The following CEP43 variants were observed in gnomAD, a reference collection of about 807,000 sequenced individuals.
The protein encoded by CEP43 is centrosomal protein 43.
A neutral mutation model predicts 52.6 loss-of-function variants in CEP43; 36 were observed. The ratio of observed to expected loss-of-function variants is 0.68; its 90% CI spans 0.52 to 0.90. The LOEUF (loss-of-function observed/expected upper bound fraction) is 0.90, where lower values mean the gene tolerates loss of function less well. Among genes scored for constraint, CEP43 ranks in the 40% least tolerant of loss-of-function variants. The pLI, the probability that CEP43 is intolerant of heterozygous loss-of-function variation, is 0.00. For missense variants in CEP43, 506 were observed against 472.8 expected (o/e 1.07, Z -0.65); for synonymous variants, 192 against 172.4 (o/e 1.11, Z -0.89).
chr6:167,036,453 C>G, intron 12 of CEP43: 4 of 985,324 alleles, frequency 4.1e-6, no homozygotes, highest in Non-Finnish European at 4.8e-6. Context: ...TGCACGGGAG[C>G]CAGCACGAGC....
Position 167,042,464 on chromosome 6 carries a change from A to C in CEP43, c.*2486A>C, listed in dbSNP as rs925429199. The C allele has an allele frequency of 3.0e-5, 22 of 739,500 alleles. No homozygotes were observed. Among genetic ancestry groups the C allele is most frequent in the Non-Finnish European group, 3.6e-5 (22 of 604,862 alleles). 45.8% of individuals were successfully genotyped at this position (739,500 alleles called of 1,614,324 possible). ...TTATGTTGGATAACAACCTGTGGGC[A>C]GTTGTGTAGATGCCATTAGTCCCTG... On this transcript the variant is annotated 3_prime_UTR_variant, in exon 13 of 13. Transcript: ENST00000366847.
chr6:167,032,518 A>T lies in CEP43; in HGVS notation c.989-85A>T, dbSNP rs1241262762. ...ACTTTTTAAATGATGCAATATAATT[A>T]ATTTTTTTTAAGGAAATGTGTGTTT... On this transcript the variant is annotated intron_variant, in intron 10 of 12. Coordinates refer to ENST00000366847, the MANE Select transcript of CEP43 (RefSeq NM_007045.4). The T allele has an allele frequency of 1.4e-5, 17 of 1,249,526 alleles. No individual in the cohort carries two copies. In the East Asian group the frequency reaches 4.3e-4, roughly 32 times the overall value. 77.4% of individuals were successfully genotyped at this position (1,249,526 alleles called of 1,614,324 possible).
At chr6:167,016,151 T>C (rs1345698654) in intron 7 of CEP43, among the ~76,000 whole-genome samples, 1 of 152,192 alleles carries the variant, frequency 6.6e-6, no homozygotes, top group African/African-American at 2.4e-5. Context: ...TTGGAAATGT[T>C]GAGTAAGATC....
At chr6:167,006,762 T>C (rs1027537411) in intron 5 of CEP43, among the ~76,000 whole-genome samples, 1 of 152,222 alleles carries the variant, frequency 6.6e-6, no homozygotes, top group African/African-American at 2.4e-5. Context: ...TTACTGTTTC[T>C]TGTTATTGTA....
rs1482418705 is a variant in CEP43 at position 167,022,303 on chromosome 6, G to A, written c.580-106G>A. 1.5e-5 allele frequency: 10 copies of A among 647,718 alleles called. No homozygotes were observed. The East Asian group carries it at 2.5e-4, about 16-fold the overall frequency. 40.1% of individuals were successfully genotyped at this position (647,718 alleles called of 1,614,324 possible). ...ACACACACACACACACACAAAGGTT[G>A]CACACACACAGGTTTGATTATGCTC... On this transcript the variant is annotated intron_variant, in intron 7 of 12. Coordinates refer to ENST00000366847, the MANE Select transcript of CEP43 (RefSeq NM_007045.4).
Position 167,041,566 on chromosome 6 carries a change from G to GC in CEP43, c.*1589dup. On this transcript the variant is annotated 3_prime_UTR_variant, in exon 13 of 13. Transcript: ENST00000366847. ...CTCTGTAAACAGTCACTTTCTAAAA[G>GC]CACTATAGTTCTGGTCCCCTGGAAT... The GC allele has an allele frequency of 9.5e-7, 1 of 1,049,442 alleles. No homozygotes were observed. Among genetic ancestry groups the GC allele is most frequent in the Non-Finnish European group, 1.2e-6 (1 of 869,320 alleles). The allele number at this position is 1,049,442 out of a possible 1,614,324, so 65.0% of individuals were successfully genotyped here.
At chr6:167,024,919 C>A in intron 9 of CEP43, 25 bp downstream of exon 9, 3 of 1,241,272 alleles carry the variant, frequency 2.4e-6, no homozygotes, top group Non-Finnish European at 3.5e-6. Flanking sequence ...ATGTGGACTT[C>A]AATACTCGGG....
At chr6:167,019,832 A>G (rs73026251) in intron 7 of CEP43, among the ~76,000 whole-genome samples, 3,086 of 152,244 alleles carry the variant, frequency 0.02, 51 homozygotes, top group East Asian at 0.091. Context: ...TTTAAGTTAC[A>G]TTGGCAGTGT....
Position 167,033,917 on chromosome 6 carries a change from A to G in CEP43, c.1071A>G (p.Glu357=). 1 of 1,602,400 alleles carries G rather than the reference A, an allele frequency of 6.2e-7. No individual in the cohort carries two copies. Among genetic ancestry groups the G allele is most frequent in the Non-Finnish European group, 8.5e-7 (1 of 1,172,168 alleles). ...AGAAAAGTGAGATAAGTATTGGTGA[A>G]GAGATAGAAGAAGACCTTTCTGTGG... ...RSEKSEISIG[E]EIEEDLSVEI... is the part of the protein sequence containing the mutation. Residue 357 remains glutamate, a synonymous_variant, in exon 12 of 13, where the codon GAA becomes GAG. Transcript: ENST00000366847.
At chr6:167,009,487 G>A (rs1175413021) in intron 5 of CEP43, among the ~76,000 whole-genome samples, 13 of 114,734 alleles carry the variant, frequency 1.1e-4, no homozygotes, top group South Asian at 6.2e-4. Context: ...TCCACAGAGC[G>A]AGACTCTGTC....
chr6:167,034,578 C>G (rs1780544560), intron 12 of CEP43, among the ~76,000 whole-genome samples: 1 of 152,188 alleles, frequency 6.6e-6, no homozygotes, highest in Non-Finnish European at 1.5e-5. Flanking sequence ...GTCTACCAGT[C>G]AGGTTGGAGG....
chr6:167,011,873 G>T (rs564837698), intron 6 of CEP43, among the ~76,000 whole-genome samples: 1 of 152,152 alleles, frequency 6.6e-6, no homozygotes, highest in Non-Finnish European at 1.5e-5. Context: ...TGCTCACCCC[G>T]CAAAGGCTCC....
rs568215744 is a variant in CEP43, at chr6:167,016,997, T to A, written c.579+3430T>A. ...TTTATTTATTATTTATTTATTTTTT[T>A]TTTTTTTTATTTTTTTGAGATGGAG... is the stretch of plus-strand genomic sequence containing the variant. On this transcript the variant is annotated intron_variant, in intron 7 of 12. Transcript: ENST00000366847. Among the ~76,000 whole-genome samples, 20 of 150,372 alleles carry A rather than the reference T, an allele frequency of 1.3e-4. No individual in the cohort carries two copies. In the South Asian group the frequency reaches 2.3e-3, roughly 17 times the overall value.
At chr6:167,013,626 G>A (rs1474585085) in intron 7 of CEP43, 59 bp downstream of exon 7, 11 of 1,387,368 alleles carry the variant, frequency 7.9e-6, no homozygotes, top group African/African-American at 2.9e-5. Flanking sequence ...CTCGACTCTG[G>A]GGCCTCCTGG....
intron 10 of CEP43, among the ~76,000 whole-genome samples, chr6:167,027,472 T>TCA (rs61710173): frequency 0.42 from 63,704 of 151,840 alleles, 13,586 homozygotes; most frequent in Non-Finnish European, 0.47. Flanking sequence ...CTGTAATCAC[T>TCA]CACATGGAAG....
intron 12 of CEP43, among the ~76,000 whole-genome samples, chr6:167,039,382 G>A (rs760295262): frequency 6.6e-6 from 1 of 152,216 alleles, no homozygotes; most frequent in Non-Finnish European, 1.5e-5. Flanking sequence ...GCCTGCCTCA[G>A]CTTCCCAAAG....
chr6:167,009,682 A>G (rs570691526), intron 5 of CEP43, among the ~76,000 whole-genome samples: 1 of 150,918 alleles, frequency 6.6e-6, no homozygotes, highest in Admixed American at 6.6e-5. Flanking sequence ...AAAAAAAAAA[A>G]AAAGTTAGTT....
chr6:167,039,382 G>C (rs760295262), intron 12 of CEP43, among the ~76,000 whole-genome samples: 1 of 152,216 alleles, frequency 6.6e-6, no homozygotes, highest in Non-Finnish European at 1.5e-5. Context: ...GCCTGCCTCA[G>C]CTTCCCAAAG....
At chr6:166,999,823 G>T (rs1041431998) in intron 1 of CEP43, 1 of 559,396 alleles carries the variant, frequency 1.8e-6, no homozygotes, top group South Asian at 2.3e-5. Context: ...CTGGAGTGCG[G>T]CCCCAGCGTC....
Sources: allele counts gnomAD v4.1 joint callset (sites outside exome capture counted in the v4.1 genomes callset), GRCh38; gene constraint gnomAD v4.1.1; transcripts MANE v1.5; gene names NCBI Gene and HGNC (gene_info 2026-07-23, HGNC 2026-07-21).